The following EXD3 variants were observed in gnomAD, a reference collection of about 807,000 sequenced individuals.
EXD3 encodes exonuclease mut-7 homolog.
A neutral mutation model predicts 98.0 loss-of-function variants in EXD3; 92 were observed. The observed-to-expected ratio is 0.94, with a 90% CI of 0.79 to 1.12. The LOEUF (loss-of-function observed/expected upper bound fraction) is 1.12, where lower values mean the gene tolerates loss of function less well. Ranked by LOEUF, EXD3 falls within the 50% of genes most tolerant of loss-of-function variation. The pLI, the probability that EXD3 is intolerant of heterozygous loss-of-function variation, is 0.00. For synonymous variants in EXD3, 569 were observed against 526.0 expected (o/e 1.08, Z -1.12); for missense variants, 1,222 against 1,191.6 (o/e 1.03, Z -0.38).
intron 8 of EXD3, among the ~76,000 whole-genome samples, chr9:137,355,640 G>GAAGGAGAAAGGGCGGAAGGAGA (rs1834695178): frequency 8.1e-6 from 1 of 123,578 alleles, no homozygotes; most frequent in African/African-American, 3.2e-5. Flanking sequence ...GAGGAAGGAG[G>GAAGGAGAAAGGGCGGAAGGAGA]AAGGAGGAAG....
At chr9:137,366,313 C>T (rs1835254331) in intron 7 of EXD3, 180 bp downstream of exon 7, 2 of 865,686 alleles carry the variant, frequency 2.3e-6, no homozygotes, top group South Asian at 2.8e-5. Context: ...CTGCCAGCCC[C>T]AGCCGCTCCT....
Position 137,351,502 on chromosome 9 carries a change from C to T in EXD3, c.1200G>A (p.Val400=), listed in dbSNP as rs1588322921. Residue 400 remains valine (V), a synonymous_variant, in exon 13 of 22, where the codon GTG becomes GTA. Transcript: ENST00000340951. The part of the protein sequence containing the change: ...LQCHQVVGVD[V]EWTPVFVAGG... The stretch of plus-strand genomic sequence containing the variant: ...CAGCAACAAACACAGGTGTCCACTC[C>T]ACGTCTACACCAACCACTTGGTGGC... The T allele has an allele frequency of 6.3e-7, 1 of 1,594,402 alleles. No homozygotes were observed. The highest frequency in any genetic ancestry group is 8.5e-7 in the Non-Finnish European group (1 of 1,171,976).
chr9:137,387,921 C>G (rs927617125), intron 2 of EXD3, among the ~76,000 whole-genome samples: 2 of 152,188 alleles, frequency 1.3e-5, no homozygotes, highest in South Asian at 4.1e-4. Context: ...AGTGCTGCAC[C>G]GATGCCTGGG....
At chr9:137,406,500 G>T (rs1167319249) in intron 1 of EXD3, among the ~76,000 whole-genome samples, 1 of 151,730 alleles carries the variant, frequency 6.6e-6, no homozygotes, top group African/African-American at 2.4e-5. Flanking sequence ...TGTCCCAAAC[G>T]GCAGAGGCGA....
intron 17 of EXD3, among the ~76,000 whole-genome samples, chr9:137,333,282 G>A (rs1472088880): frequency 6.6e-6 from 1 of 152,172 alleles, no homozygotes; most frequent in East Asian, 1.9e-4. Context: ...GAGGTTTTGG[G>A]ACTCAGACGG....
chr9:137,356,194 C>A, intron 8 of EXD3, 74 bp downstream of exon 8: 1 of 1,146,300 alleles, frequency 8.7e-7, no homozygotes, highest in South Asian at 1.4e-5. Context: ...CAGCCCCAGT[C>A]ACAGAGGATG....
chr9:137,364,403 C>T (rs1275814098), intron 7 of EXD3, among the ~76,000 whole-genome samples: 1 of 152,024 alleles, frequency 6.6e-6, no homozygotes, highest in Non-Finnish European at 1.5e-5. Context: ...GGGTGGATCA[C>T]CTGAGGTCAG....
Position 137,349,434 on chromosome 9 carries a change from TC to T in EXD3, c.1591del (p.Asp531ThrfsTer146). On this transcript the variant is annotated frameshift_variant, in exon 15 of 22. Coordinates refer to ENST00000340951, the MANE Select transcript of EXD3 (RefSeq NM_017820.5). LOFTEE classifies it high-confidence loss of function. The surrounding 1 kb of genome is among the most constrained non-coding windows in gnomAD (Gnocchi z 7.4). The stretch of plus-strand genomic sequence containing the variant: ...CCAGTTGGACAGCTGCTGCGTCTTG[TC>T]CAGGGCTGTGCCCAGCACCTGCTGC... ...LVQQVLGTAL[D>X]KTQQLSNWDR... 1 of 1,601,070 alleles carries T rather than the reference TC, an allele frequency of 6.2e-7. No homozygotes were observed. The highest frequency in any genetic ancestry group is 8.5e-7 in the Non-Finnish European group (1 of 1,177,534).
intron 17 of EXD3, among the ~76,000 whole-genome samples, chr9:137,341,498 G>T (rs1487505390): frequency 2.0e-5 from 3 of 151,664 alleles, no homozygotes; most frequent in Admixed American, 1.3e-4. Flanking sequence ...CAGGAAACGG[G>T]GCTCAGGCAC....
chr9:137,335,385 T>C (rs1833301954), intron 17 of EXD3, among the ~76,000 whole-genome samples: 1 of 151,952 alleles, frequency 6.6e-6, no homozygotes, highest in Non-Finnish European at 1.5e-5. Flanking sequence ...TAGACATTAT[T>C]AAAATGTAAA....
chr9:137,419,877 C>T (rs926977788), intron 1 of EXD3, among the ~76,000 whole-genome samples: 43 of 149,696 alleles, frequency 2.9e-4, no homozygotes, highest in South Asian at 4.3e-4. Flanking sequence ...CAGAAAAAAG[C>T]GGCCGGGCGC....
intron 3 of EXD3, among the ~76,000 whole-genome samples, chr9:137,382,766 G>A (rs1037145513): frequency 1.3e-5 from 2 of 152,134 alleles, no homozygotes; most frequent in Non-Finnish European, 2.9e-5. Context: ...CGGGCCAGAG[G>A]ACGCGGCACT....
At chr9:137,319,397 C>T (rs1831902557) in intron 19 of EXD3, among the ~76,000 whole-genome samples, 1 of 152,200 alleles carries the variant, frequency 6.6e-6, no homozygotes, top group South Asian at 2.1e-4. Context: ...CCTCTCTTCA[C>T]CTCTGGGGTA....
Position 137,385,330 on chromosome 9 carries a change from CCA to C in EXD3, c.56-1955_56-1954del, listed in dbSNP as rs1339257395. Among the ~76,000 whole-genome samples the C allele has an allele frequency of 2.0e-5, 3 of 152,120 alleles. No individual in the cohort carries two copies. Among genetic ancestry groups the C allele is most frequent in the Non-Finnish European group, 2.9e-5 (2 of 68,024 alleles). On this transcript the variant is annotated intron_variant, in intron 2 of 21. Transcript: ENST00000340951. This position sits in a 1 kb window ranked among gnomAD's most constrained non-coding sequence, Gnocchi z 4.4. Reference sequence around the variant, plus strand: ...GCCCAGGTGGGGAGGACGTACCCCACCACGTGGCCATGGCAGGCAGTGTGACT... The same window carrying C: ...GCCCAGGTGGGGAGGACGTACCCCACCGTGGCCATGGCAGGCAGTGTGACT...
At position 137,328,611 on chromosome 9, in the gene EXD3, GCTACACGGGA is replaced by G. The variant is rs1564477381; in HGVS notation, c.1999-4478_1999-4469del. ...ACGGGACTACACGGGACTACACGGGGCTACACGGGACTACACGGGACTACACGGGGCTACA... is the reference window on the plus strand; with the variant it reads ...ACGGGACTACACGGGACTACACGGGGCTACACGGGACTACACGGGGCTACA... On this transcript the variant is annotated intron_variant, in intron 17 of 21. Transcript: ENST00000340951. Among the ~76,000 whole-genome samples the G allele has an allele frequency of 3.7e-3, 70 of 19,022 alleles. 7 individuals carry two copies. The highest frequency in any genetic ancestry group is 0.042 in the Middle Eastern group (2 of 48). The allele number at this position is 19,022 out of a possible 152,430, so 12.5% of individuals were successfully genotyped here. A position where few individuals can be genotyped will look rare whatever the true frequency, so the allele number is the denominator to read the frequency against.
At chr9:137,367,206 C>T (rs1835305294) in intron 6 of EXD3, among the ~76,000 whole-genome samples, 1 of 152,112 alleles carries the variant, frequency 6.6e-6, no homozygotes, top group South Asian at 2.1e-4. Flanking sequence ...GCATGGGGCC[C>T]ACCTGCCCAG....
At chr9:137,364,082 A>T (rs999797633) in intron 7 of EXD3, among the ~76,000 whole-genome samples, 10 of 152,086 alleles carry the variant, frequency 6.6e-5, no homozygotes, top group Non-Finnish European at 1.0e-4. Flanking sequence ...AGATGTTGTA[A>T]AGAAGAGCTT....
intron 7 of EXD3, among the ~76,000 whole-genome samples, chr9:137,358,172 G>A (rs1041611521): frequency 6.6e-6 from 1 of 152,176 alleles, no homozygotes; most frequent in Non-Finnish European, 1.5e-5. Context: ...GCATGCGTGT[G>A]GCTGGCGAGA....
intron 1 of EXD3, among the ~76,000 whole-genome samples, chr9:137,398,891 C>T (rs1245121355): frequency 3.3e-5 from 5 of 151,084 alleles, no homozygotes; most frequent in East Asian, 2.0e-4. Flanking sequence ...CACATGCACC[C>T]GCGTCCCCAA....
Sources: allele counts gnomAD v4.1 joint callset (sites outside exome capture counted in the v4.1 genomes callset), GRCh38; gene constraint gnomAD v4.1.1; non-coding constraint Gnocchi (gnomAD v3.1); transcripts MANE v1.5; gene names NCBI Gene and HGNC (gene_info 2026-07-23, HGNC 2026-07-21).